TFEB: variants seen among roughly 807,000 people sequenced by gnomAD.
TFEB encodes T-cell transcription factor EB.
TFEB carries 12 observed loss-of-function variants against 48.0 expected under a neutral mutation model. The ratio of observed to expected loss-of-function variants is 0.25; its 90% CI spans 0.16 to 0.40. TFEB has a LOEUF of 0.40. Ranked by LOEUF, TFEB falls within the 10% of genes least tolerant of loss-of-function variation. The pLI is 1.00. For missense variants in TFEB, 509 were observed against 640.3 expected, an observed-to-expected ratio of 0.79 and a Z score of 2.21; for synonymous variants, 244 against 261.4, an observed-to-expected ratio of 0.93 and a Z score of 0.64.
intron 1 of TFEB, chr6:41,733,665 G>A (rs947838476): frequency 1.0e-6 from 1 of 985,450 alleles, no homozygotes; most frequent in South Asian, 4.7e-5. Context: ...AAAGCATACC[G>A]TCAGGTTAGC....
chr6:41,714,146 T>A (rs1770616785), intron 1 of TFEB, among the ~76,000 whole-genome samples: 1 of 149,696 alleles, frequency 6.7e-6, no homozygotes, highest in South Asian at 2.1e-4. Context: ...TGTGCGTGTG[T>A]GTGCATGTGC....
At chr6:41,729,061 C>T (rs916907946) in intron 1 of TFEB, among the ~76,000 whole-genome samples, 2 of 152,024 alleles carry the variant, frequency 1.3e-5, no homozygotes, top group African/African-American at 2.4e-5. Context: ...TGAGGACTGG[C>T]GGGCTCAGAC....
At chr6:41,725,758 A>G (rs1398838751) in intron 1 of TFEB, among the ~76,000 whole-genome samples, 1 of 152,208 alleles carries the variant, frequency 6.6e-6, no homozygotes, top group African/African-American at 2.4e-5. Context: ...ATACCCCAAA[A>G]TTATATATTT....
chr6:41,710,634 A>G (rs1251631907), intron 1 of TFEB, among the ~76,000 whole-genome samples: 5 of 152,080 alleles, frequency 3.3e-5, no homozygotes, highest in South Asian at 2.1e-4. Flanking sequence ...ATCACCCCCA[A>G]TTGCTCTCCA....
intron 1 of TFEB, among the ~76,000 whole-genome samples, chr6:41,695,747 G>A (rs926685181): frequency 3.9e-5 from 6 of 152,140 alleles, no homozygotes; most frequent in African/African-American, 7.2e-5. Flanking sequence ...ATAGTTCTTC[G>A]TTCCACTGGA....
At chr6:41,728,959 T>G (rs1456611288) in intron 1 of TFEB, among the ~76,000 whole-genome samples, 1 of 151,960 alleles carries the variant, frequency 6.6e-6, no homozygotes, top group Non-Finnish European at 1.5e-5. Flanking sequence ...TCCACAAAGA[T>G]TTATTGAGCA....
rs1771116546 is a variant in TFEB, at chr6:41,724,303, A to C, written c.-23+11047T>G. Among the ~76,000 whole-genome samples, 1 of 152,228 alleles carries C rather than the reference A, an allele frequency of 6.6e-6. No homozygotes were observed. The highest frequency in any genetic ancestry group is 6.5e-5 in the Admixed American group (1 of 15,286). ...GTTGATAAGCAAATACCCTGTATTA[A>C]GAAAGGTTAAGCTATTATCGGTCGT... On this transcript the variant is annotated intron_variant, in intron 1 of 8. Transcript: ENST00000373033. The surrounding 1 kb of genome is among the most constrained non-coding windows in gnomAD (Gnocchi z 4.4).
chr6:41,696,959 G>T (rs1174153933), intron 1 of TFEB, among the ~76,000 whole-genome samples: 1 of 152,184 alleles, frequency 6.6e-6, no homozygotes, highest in Admixed American at 6.5e-5. Context: ...ACACAAGATG[G>T]CTTGGTGGGT....
intron 1 of TFEB, among the ~76,000 whole-genome samples, chr6:41,704,514 G>A (rs1320527586): frequency 1.3e-5 from 2 of 152,246 alleles, no homozygotes; most frequent in Admixed American, 6.5e-5. Context: ...CAGCCATCTG[G>A]CTGGACAGTG....
At chr6:41,716,716 T>C (rs1770751368) in intron 1 of TFEB, among the ~76,000 whole-genome samples, 1 of 152,080 alleles carries the variant, frequency 6.6e-6, no homozygotes, top group Non-Finnish European at 1.5e-5. Context: ...TGGCAACACT[T>C]AGAAACAGGG....
rs140870424 is a variant in TFEB, at chr6:41,700,025, C to T, written c.-22-8790G>A. On this transcript the variant is annotated intron_variant, in intron 1 of 8. Coordinates refer to ENST00000373033, the MANE Select transcript of TFEB (RefSeq NM_001271944.2). ...CCTCCGGGACCCTGTCCTGCATCAC[C>T]ATGGCTGAGTGCTATGGTCTCCAAC... Among the ~76,000 whole-genome samples, 437 of 152,308 alleles carry T rather than the reference C, an allele frequency of 2.9e-3. 6 individuals are homozygous for T. The South Asian group carries it at 0.034, about 12-fold the overall frequency.
chr6:41,718,686 T>C (rs1307035625), intron 1 of TFEB, among the ~76,000 whole-genome samples: 1 of 151,866 alleles, frequency 6.6e-6, no homozygotes, highest in African/African-American at 2.4e-5. Context: ...TTTTTTTTTT[T>C]TTCTTTGACT....
chr6:41,715,565 G>A (rs190119499), intron 1 of TFEB, among the ~76,000 whole-genome samples: 1 of 152,162 alleles, frequency 6.6e-6, no homozygotes, highest in African/African-American at 2.4e-5. Context: ...AGCTACTCGG[G>A]AGACTGAGGC....
chr6:41,700,465 CAAAA>C (rs549557871), intron 1 of TFEB, among the ~76,000 whole-genome samples: 6 of 95,684 alleles, frequency 6.3e-5, no homozygotes, highest in Admixed American at 2.1e-4. Flanking sequence ...GACTCCGTCT[CAAAA>C]AAAAAAAAAA....
intron 1 of TFEB, among the ~76,000 whole-genome samples, chr6:41,718,578 T>C (rs147743264): frequency 1.5e-3 from 231 of 152,246 alleles, no homozygotes; most frequent in Middle Eastern, 6.8e-3. Flanking sequence ...ATATTCACCA[T>C]GCCGTACAAT....
chr6:41,715,191 G>A (rs1770681073), intron 1 of TFEB, among the ~76,000 whole-genome samples: 1 of 152,022 alleles, frequency 6.6e-6, no homozygotes, highest in Non-Finnish European at 1.5e-5. Flanking sequence ...GTTTTCTCTG[G>A]CCTCTCCATG....
chr6:41,697,509 C>CT (rs1463999453), intron 1 of TFEB, among the ~76,000 whole-genome samples: 1 of 150,652 alleles, frequency 6.6e-6, no homozygotes, highest in African/African-American at 2.4e-5. Flanking sequence ...CCAAACCCCC[C>CT]CCCTTCCCCA....
chr6:41,715,682 A>G (rs57584819), intron 1 of TFEB, among the ~76,000 whole-genome samples: 3,746 of 152,162 alleles, frequency 0.025, 143 homozygotes, highest in African/African-American at 0.085. Flanking sequence ...TTAAGAAAAA[A>G]AAAAAAAAAG....
At chr6:41,713,487 A>T (rs759723680) in intron 1 of TFEB, among the ~76,000 whole-genome samples, 6 of 152,078 alleles carry the variant, frequency 3.9e-5, no homozygotes, top group Non-Finnish European at 8.8e-5. Context: ...CCCTACGCTG[A>T]CTCACTCTTA....
Sources: gnomAD v4.1 joint callset for allele counts (sites outside exome capture counted in the v4.1 genomes callset) on GRCh38, gnomAD v4.1.1 for gene constraint, Gnocchi (gnomAD v3.1) non-coding constraint, MANE v1.5 for transcripts, NCBI Gene and HGNC (gene_info 2026-07-23, HGNC 2026-07-21) for gene names.